FUCA2: variants seen among roughly 807,000 people sequenced by gnomAD.
FUCA2 encodes alpha-L-fucosidase 2.
A neutral mutation model predicts 52.6 loss-of-function variants in FUCA2; 41 were observed. The ratio of observed to expected loss-of-function variants is 0.78; its 90% CI spans 0.61 to 1.01. The LOEUF is 1.01. FUCA2 is among the 50% of genes least tolerant of loss of function. The pLI, the probability that FUCA2 is intolerant of heterozygous loss-of-function variation, is 0.00. For missense variants in FUCA2, 507 were observed against 569.5 expected (o/e 0.89, Z 1.12); for synonymous variants, 211 against 217.3 (o/e 0.97, Z 0.26).
Position 143,501,631 on chromosome 6 carries a change from C to T in FUCA2, c.1154+301G>A, listed in dbSNP as rs1780528278. ...TCTCCGTTTTAGACTAACCATTCAG[C>T]ATTTTTCATTGGTCTGAACAGCTTA... On this transcript the variant is annotated intron_variant, in intron 5 of 6. Coordinates refer to ENST00000002165, the MANE Select transcript of FUCA2 (RefSeq NM_032020.5). This position sits in a 1 kb window ranked among gnomAD's most constrained non-coding sequence, Gnocchi z 6.1. 6.6e-6 allele frequency among the ~76,000 whole-genome samples: 1 copy of T among 152,214 alleles called. No homozygotes were observed. Among genetic ancestry groups the T allele is most frequent in the Non-Finnish European group, 1.5e-5 (1 of 68,032 alleles).
chr6:143,508,453 ACT>A (rs1158260558), intron 1 of FUCA2, among the ~76,000 whole-genome samples: 1 of 152,118 alleles, frequency 6.6e-6, no homozygotes, highest in Non-Finnish European at 1.5e-5. Context: ...CGATCAGGAG[ACT>A]CTGCTAAGAA....
rs1341754683 is a variant in FUCA2 at position 143,495,496 on chromosome 6, A to C, written c.*211T>G. 2 of 465,340 alleles carry C rather than the reference A, an allele frequency of 4.3e-6. No individual in the cohort carries two copies. Among genetic ancestry groups the C allele is most frequent in the Non-Finnish European group, 7.6e-6 (2 of 264,162 alleles). 28.8% of individuals were successfully genotyped at this position (465,340 alleles called of 1,614,324 possible). On this transcript the variant is annotated 3_prime_UTR_variant, in exon 7 of 7. Transcript: ENST00000002165. This position sits in a 1 kb window ranked among gnomAD's most constrained non-coding sequence, Gnocchi z 5.2. The stretch of plus-strand genomic sequence containing the variant: ...CACACATGGAAACAAATCAATGTGA[A>C]GAGACTTTAATGGCAAAGTGCACTG...
intron 5 of FUCA2, among the ~76,000 whole-genome samples, chr6:143,498,575 C>G (rs1780493389): frequency 1.3e-5 from 2 of 152,080 alleles, no homozygotes; most frequent in African/African-American, 4.8e-5. Flanking sequence ...TGTGCTCTGC[C>G]TGTTGATGCA....
rs113162477 is a variant in FUCA2 at position 143,500,051 on chromosome 6, CGTGT to C, written c.1154+1877_1154+1880del. The stretch of plus-strand genomic sequence containing the variant: ...ATTTTACATTGTATGTGTCTGGGTG[CGTGT>C]GTGTGTGTGTGTGTTTCCATAGTTA... On this transcript the variant is annotated intron_variant, in intron 5 of 6. Coordinates refer to ENST00000002165, the MANE Select transcript of FUCA2 (RefSeq NM_032020.5). This position sits in a 1 kb window ranked among gnomAD's most constrained non-coding sequence, Gnocchi z 6.9. Among the ~76,000 whole-genome samples, 1 of 150,106 alleles carries C rather than the reference CGTGT, an allele frequency of 6.7e-6. No homozygotes were observed. Among genetic ancestry groups the C allele is most frequent in the East Asian group, 1.9e-4 (1 of 5,136 alleles).
At position 143,499,044 on chromosome 6, in the gene FUCA2, G is replaced by A. The variant is rs1022834699; in HGVS notation, c.1155-1547C>T. 2.0e-5 allele frequency among the ~76,000 whole-genome samples: 3 copies of A among 152,204 alleles called. No individual in the cohort carries two copies. Among genetic ancestry groups the A allele is most frequent in the Non-Finnish European group, 2.9e-5 (2 of 68,036 alleles). On this transcript the variant is annotated intron_variant, in intron 5 of 6. Coordinates refer to ENST00000002165, the MANE Select transcript of FUCA2 (RefSeq NM_032020.5). The surrounding 1 kb of genome is among the most constrained non-coding windows in gnomAD (Gnocchi z 6.0). ...CTAAAGGATGAAGCTGCCGTTAACT[G>A]AGATGGGAAAGACCATGGGTGGAGC...
Position 143,495,659 on chromosome 6 carries a change from G to C in FUCA2, c.*48C>G. On this transcript the variant is annotated 3_prime_UTR_variant, in exon 7 of 7. Transcript: ENST00000002165. This position sits in a 1 kb window ranked among gnomAD's most constrained non-coding sequence, Gnocchi z 5.2. Reference sequence around the variant, plus strand: ...GTGCTACAATTATAGACACCTGATAGTTCCTAGCCTTAGACATAACTTGCA... The same window carrying C: ...GTGCTACAATTATAGACACCTGATACTTCCTAGCCTTAGACATAACTTGCA... The C allele has an allele frequency of 6.4e-7, 1 of 1,573,778 alleles. No homozygotes were observed.
rs1309056828 is a variant in FUCA2 at position 143,497,751 on chromosome 6, GA to G, written c.1155-255del. On this transcript the variant is annotated intron_variant, in intron 5 of 6. Transcript: ENST00000002165. The surrounding 1 kb of genome is among the most constrained non-coding windows in gnomAD (Gnocchi z 5.3). Reference sequence around the variant, plus strand: ...TTCATCAGACTGCTCTCATGGAGCTGAAAAGGGGAGGGAGATGATCTAAGGG... The same window carrying G: ...TTCATCAGACTGCTCTCATGGAGCTGAAAGGGGAGGGAGATGATCTAAGGG... 6.6e-6 allele frequency among the ~76,000 whole-genome samples: 1 copy of G among 152,214 alleles called. No homozygotes were observed. The highest frequency in any genetic ancestry group is 1.5e-5 in the Non-Finnish European group (1 of 68,038).
Position 143,507,068 on chromosome 6 carries a change from C to T in FUCA2, c.412+169G>A, listed in dbSNP as rs1011494691. The T allele has an allele frequency of 2.0e-4, 112 of 559,596 alleles. No homozygotes were observed. The highest frequency in any genetic ancestry group is 5.3e-4 in the South Asian group (21 of 39,940). 34.7% of individuals were successfully genotyped at this position (559,596 alleles called of 1,614,324 possible). A position where few individuals can be genotyped will look rare whatever the true frequency, so the allele number is the denominator to read the frequency against. Reference sequence around the variant, plus strand: ...ATGATCCTTTCTGTATTCCTAACATCTCTCAATTTGGGTTGAATGTGCAGT... The same window carrying T: ...ATGATCCTTTCTGTATTCCTAACATTTCTCAATTTGGGTTGAATGTGCAGT... On this transcript the variant is annotated intron_variant, in intron 2 of 6. Coordinates refer to ENST00000002165, the MANE Select transcript of FUCA2 (RefSeq NM_032020.5). The surrounding 1 kb of genome is among the most constrained non-coding windows in gnomAD (Gnocchi z 4.5).
intron 2 of FUCA2, chr6:143,506,783 T>G (rs1013165918): frequency 4.5e-5 from 7 of 157,250 alleles, no homozygotes; most frequent in African/African-American, 1.7e-4. Flanking sequence ...CATCCACTAT[T>G]TGCACCATTT....
chr6:143,502,700 G>A lies in FUCA2; in HGVS notation c.753-135C>T. ...GGCATAGTACAGTGGAAAGCCCATG[G>A]TTTTGAAGTCAAACAGACCTGAGTT... is the stretch of plus-strand genomic sequence containing the variant. On this transcript the variant is annotated intron_variant, in intron 3 of 6. Coordinates refer to ENST00000002165, the MANE Select transcript of FUCA2 (RefSeq NM_032020.5). The surrounding 1 kb of genome is among the most constrained non-coding windows in gnomAD (Gnocchi z 4.1). The A allele has an allele frequency of 1.3e-6, 1 of 749,014 alleles. No individual in the cohort carries two copies. The highest frequency in any genetic ancestry group is 3.1e-5 in the Admixed American group (1 of 32,678). 46.4% of individuals were successfully genotyped at this position (749,014 alleles called of 1,614,324 possible).
Position 143,509,475 on chromosome 6 carries a change from A to G in FUCA2, c.224+1936T>C, listed in dbSNP as rs765426875. On this transcript the variant is annotated intron_variant, in intron 1 of 6. Transcript: ENST00000002165. This position sits in a 1 kb window ranked among gnomAD's most constrained non-coding sequence, Gnocchi z 5.4. ...TGAAGTTATTCATAGCAAAGAATAAAATGACTCAAAACTAGCTGTTTTATT... is the reference window on the plus strand; with the variant it reads ...TGAAGTTATTCATAGCAAAGAATAAGATGACTCAAAACTAGCTGTTTTATT... Among the ~76,000 whole-genome samples, 17 of 152,256 alleles carry G rather than the reference A, an allele frequency of 1.1e-4. No homozygotes were observed. Among genetic ancestry groups the G allele is most frequent in the Non-Finnish European group, 2.4e-4 (16 of 68,048 alleles).
chr6:143,502,224 G>T lies in FUCA2; in HGVS notation c.964-102C>A. The T allele has an allele frequency of 2.3e-6, 3 of 1,312,888 alleles. No individual in the cohort carries two copies. Among genetic ancestry groups the T allele is most frequent in the Non-Finnish European group, 1.1e-6 (1 of 947,840 alleles). 81.3% of individuals were successfully genotyped at this position (1,312,888 alleles called of 1,614,324 possible). ...ATTTATACATGTATATATAGTCACT[G>T]CCTAGAAGAACAAACACAGGATAGA... On this transcript the variant is annotated intron_variant, in intron 4 of 6. Transcript: ENST00000002165. The surrounding 1 kb of genome is among the most constrained non-coding windows in gnomAD (Gnocchi z 4.1).
chr6:143,511,360 T>G lies in FUCA2; in HGVS notation c.224+51A>C. 1 of 1,514,504 alleles carries G rather than the reference T, an allele frequency of 6.6e-7. No individual in the cohort carries two copies. The highest frequency in any genetic ancestry group is 1.9e-5 in the Admixed American group (1 of 53,402). The allele number at this position is 1,514,504 out of a possible 1,614,324, so 93.8% of individuals were successfully genotyped here. On this transcript the variant is annotated intron_variant, in intron 1 of 6. Coordinates refer to ENST00000002165, the MANE Select transcript of FUCA2 (RefSeq NM_032020.5). The surrounding 1 kb of genome is among the most constrained non-coding windows in gnomAD (Gnocchi z 6.3). ...GGCCCGCTGGGTGGTGGCTGGAGGC[T>G]GCGGGTGGGGACAAAAGCGCGGCAG...
chr6:143,495,286 C>T lies in FUCA2; in HGVS notation c.*421G>A, dbSNP rs577255130. 1 of 160,834 alleles carries T rather than the reference C, an allele frequency of 6.2e-6. No homozygotes were observed. Among genetic ancestry groups the T allele is most frequent in the South Asian group, 1.8e-4 (1 of 5,610 alleles). 10.0% of individuals were successfully genotyped at this position (160,834 alleles called of 1,614,324 possible). A position where few individuals can be genotyped will look rare whatever the true frequency, so the allele number is the denominator to read the frequency against. On this transcript the variant is annotated 3_prime_UTR_variant, in exon 7 of 7. Coordinates refer to ENST00000002165, the MANE Select transcript of FUCA2 (RefSeq NM_032020.5). The surrounding 1 kb of genome is among the most constrained non-coding windows in gnomAD (Gnocchi z 5.2). ...TATGCCATCTAGGATTTTGTAAATA[C>T]ACTCTATGATGTTGGCACAAAAAAA...
chr6:143,495,347 C>A lies in FUCA2; in HGVS notation c.*360G>T. ...CAATGCATTTCCCAGAAAATATCCC[C>A]ATATTAAGTGATGCATAACTATATA... On this transcript the variant is annotated 3_prime_UTR_variant, in exon 7 of 7. Transcript: ENST00000002165. This position sits in a 1 kb window ranked among gnomAD's most constrained non-coding sequence, Gnocchi z 5.2. The A allele has an allele frequency of 5.6e-6, 1 of 179,944 alleles. No homozygotes were observed. The allele number at this position is 179,944 out of a possible 1,614,324, so 11.1% of individuals were successfully genotyped here.
Position 143,501,867 on chromosome 6 carries a change from A to G in FUCA2, c.1154+65T>C. On this transcript the variant is annotated intron_variant, in intron 5 of 6. Coordinates refer to ENST00000002165, the MANE Select transcript of FUCA2 (RefSeq NM_032020.5). This position sits in a 1 kb window ranked among gnomAD's most constrained non-coding sequence, Gnocchi z 6.1. ...TTCTCTTTTTATCCTACTCTTCTTT[A>G]TATGTCTGATAAATTTTAAATCTCT... 3 of 1,399,912 alleles carry G rather than the reference A, an allele frequency of 2.1e-6. No homozygotes were observed. The highest frequency in any genetic ancestry group is 3.0e-6 in the Non-Finnish European group (3 of 1,016,872). The allele number at this position is 1,399,912 out of a possible 1,614,324, so 86.7% of individuals were successfully genotyped here.
In FUCA2 at chr6:143,503,720, T is replaced by C. The variant is rs775732359; in HGVS notation, c.752+193A>G. The C allele has an allele frequency of 6.4e-5, 33 of 515,610 alleles. No individual in the cohort carries two copies. Among genetic ancestry groups the C allele is most frequent in the Non-Finnish European group, 1.0e-4 (31 of 295,784 alleles). The allele number at this position is 515,610 out of a possible 1,614,324, so 31.9% of individuals were successfully genotyped here. On this transcript the variant is annotated intron_variant, in intron 3 of 6. Transcript: ENST00000002165. The surrounding 1 kb of genome is among the most constrained non-coding windows in gnomAD (Gnocchi z 4.8). ...AAAATCAGACCATTGAGTTGGATTT[T>C]ACTCCTGATTTATTTACCCTTGATT... is the stretch of plus-strand genomic sequence containing the variant.
Position 143,495,959 on chromosome 6 carries a change from C to T in FUCA2, c.1264-112G>A, listed in dbSNP as rs1054404254. The T allele has an allele frequency of 9.8e-7, 1 of 1,018,828 alleles. No individual in the cohort carries two copies. Among genetic ancestry groups the T allele is most frequent in the Non-Finnish European group, 1.5e-6 (1 of 688,518 alleles). The allele number at this position is 1,018,828 out of a possible 1,614,324, so 63.1% of individuals were successfully genotyped here. A position where few individuals can be genotyped will look rare whatever the true frequency, so the allele number is the denominator to read the frequency against. ...CAAACAAAATTGTAGACAAGAGGTT[C>T]ATTTTTACCTTTATTTAGTGATTCA... On this transcript the variant is annotated intron_variant, in intron 6 of 6. Coordinates refer to ENST00000002165, the MANE Select transcript of FUCA2 (RefSeq NM_032020.5). The surrounding 1 kb of genome is among the most constrained non-coding windows in gnomAD (Gnocchi z 5.2).
rs17072711 is a variant in FUCA2 at position 143,503,025 on chromosome 6, A to G, written c.753-460T>C. 7,816 of 155,274 alleles carry G rather than the reference A, an allele frequency of 0.05. 659 individuals carry two copies. The highest frequency in any genetic ancestry group is 0.18 in the African/African-American group (7,299 of 41,528). The allele number at this position is 155,274 out of a possible 1,614,324, so 9.6% of individuals were successfully genotyped here. ...TTTTTCTCTTACCATTGTGCCTAAT[A>G]TTGAAAAATCTCAGAAAATTTGACT... On this transcript the variant is annotated intron_variant, in intron 3 of 6. Coordinates refer to ENST00000002165, the MANE Select transcript of FUCA2 (RefSeq NM_032020.5). This position sits in a 1 kb window ranked among gnomAD's most constrained non-coding sequence, Gnocchi z 4.8.
Sources: allele counts gnomAD v4.1 joint callset (sites outside exome capture counted in the v4.1 genomes callset), GRCh38; gene constraint gnomAD v4.1.1; non-coding constraint Gnocchi (gnomAD v3.1); transcripts MANE v1.5; gene names NCBI Gene and HGNC (gene_info 2026-07-23, HGNC 2026-07-21).